Variants in ATG2A observed in about 807,000 individuals in gnomAD.
ATG2A encodes autophagy related 2A.
In ATG2A, 103 loss-of-function variants were observed where a neutral mutation model predicts 214.2. That is an observed-to-expected ratio of 0.48 (90% confidence interval 0.41 to 0.57). ATG2A has a LOEUF of 0.57. Among genes scored for constraint, ATG2A ranks in the 20% least tolerant of loss-of-function variants. The pLI, the probability that ATG2A is intolerant of heterozygous loss-of-function variation, is 0.00. For synonymous variants in ATG2A, 1,160 were observed against 1,142.1 expected (o/e 1.02, Z -0.32); for missense variants, 2,312 against 2,613.2 (o/e 0.88, Z 2.51).
chr11:64,912,597 T>C (rs1229794586), intron 6 of ATG2A, 174 bp from the exon 7 acceptor site: 6 of 590,082 alleles, frequency 1.0e-5, no homozygotes, highest in Non-Finnish European at 1.8e-5. Flanking sequence ...TCAGTTTCTT[T>C]TTTTCTTCTT....
At chr11:64,914,921 G>A (rs1342441326) in intron 1 of ATG2A, among the ~76,000 whole-genome samples, 1 of 151,022 alleles carries the variant, frequency 6.6e-6, no homozygotes, top group African/African-American at 2.4e-5. Flanking sequence ...GGGCCGTGGG[G>A]AAGACGCCTA....
chr11:64,910,087 G>T lies in ATG2A; in HGVS notation c.1816C>A (p.Leu606Ile). 6.2e-7 allele frequency: 1 copy of T among 1,608,612 alleles called. No individual in the cohort carries two copies. The change falls in exon 13 of 41, where the codon CTA becomes ATA. Residue 606 changes from leucine to isoleucine, a missense_variant. By Grantham distance (5) the Leu-to-Ile change is conservative. Transcript: ENST00000377264. ...ELGALDRLAA[L>I]LRLATVPAEP... is the part of the protein sequence containing the mutation. ...GCAGGTACGGTGGCCAGGCGCAGTA[G>T]GGCGGCCAGCCGGTCCAGGGCCCCC... is the stretch of plus-strand genomic sequence containing the variant.
Position 64,898,120 on chromosome 11 carries a change from G to T in ATG2A, c.4824C>A (p.Ile1608=). The change falls in exon 34 of 41, where the codon ATC becomes ATA. Residue 1608 remains isoleucine, a synonymous_variant. Transcript: ENST00000377264. This position sits in a 1 kb window ranked among gnomAD's most constrained non-coding sequence, Gnocchi z 4.5. The part of the protein sequence containing the change: ...KDFFTSLVAG[I]NPVVPGETSA... ...AGGTCTCCCCTGGGACCACGGGGTTGATGCCGGCCACCAGACTAGTGAAGA... is the reference window on the plus strand; with the variant it reads ...AGGTCTCCCCTGGGACCACGGGGTTTATGCCGGCCACCAGACTAGTGAAGA... 6.2e-7 allele frequency: 1 copy of T among 1,614,132 alleles called. No homozygotes were observed. Among genetic ancestry groups the T allele is most frequent in the South Asian group, 1.1e-5 (1 of 91,084 alleles).
Position 64,894,917 on chromosome 11 carries a change from T to C in ATG2A, c.*56A>G. ...GGGCCGGGCCCGTGGGCTGCAGCTC[T>C]TGGGAGGCTCAGGAGCATGGTGGGC... On this transcript the variant is annotated 3_prime_UTR_variant, in exon 41 of 41. Transcript: ENST00000377264. 6.3e-7 allele frequency: 1 copy of C among 1,595,322 alleles called. No homozygotes were observed. Among genetic ancestry groups the C allele is most frequent in the Non-Finnish European group, 8.6e-7 (1 of 1,167,668 alleles).
In ATG2A at chr11:64,913,064, G is replaced by A; in HGVS notation, c.799C>T (p.Gln267Ter). The A allele has an allele frequency of 1.3e-6, 2 of 1,567,352 alleles. No individual in the cohort carries two copies. The highest frequency in any genetic ancestry group is 2.3e-5 in the East Asian group (1 of 43,472). ...TTGGGGCCAGGGAAGGCCTCATTTT[G>A]CTTCAACTTCACCATCAGCTCCATG... ...GYMELMVKLK[Q>*]NEAFPGPKLE... The change falls in exon 6 of 41, where the codon CAA (glutamine) becomes TAA (stop). Residue 267 changes from glutamine to a stop codon, truncating the protein, a stop_gained. Coordinates refer to ENST00000377264, the MANE Select transcript of ATG2A (RefSeq NM_015104.3). LOFTEE classifies it high-confidence loss of function. The surrounding 1 kb of genome is among the most constrained non-coding windows in gnomAD (Gnocchi z 4.3).
intron 14 of ATG2A, 152 bp downstream of exon 14, chr11:64,909,529 C>T: frequency 2.1e-6 from 3 of 1,434,216 alleles, no homozygotes; most frequent in Non-Finnish European, 2.8e-6. Context: ...GGTGAGGAGG[C>T]CGGGGACAGG....
intron 1 of ATG2A, among the ~76,000 whole-genome samples, chr11:64,915,608 C>G (rs1392731491): frequency 6.6e-6 from 1 of 152,022 alleles, no homozygotes; most frequent in Non-Finnish European, 1.5e-5. Context: ...CACCAGGGCC[C>G]TAGAGAAGCC....
At chr11:64,912,288 T>TACCCC in intron 7 of ATG2A, 39 bp from the exon 8 acceptor site, 1 of 1,471,388 alleles carries the variant, frequency 6.8e-7, no homozygotes, top group Non-Finnish European at 9.4e-7. Flanking sequence ...TGGCTGGCCC[T>TACCCC]CCCAGCCACC....
chr11:64,898,304 C>G lies in ATG2A; in HGVS notation c.4730G>C (p.Cys1577Ser), dbSNP rs765382915. The G allele has an allele frequency of 5.6e-6, 9 of 1,613,006 alleles. No individual in the cohort carries two copies. Among genetic ancestry groups the G allele is most frequent in the South Asian group, 1.1e-5 (1 of 91,014 alleles). Residue 1577 changes from cysteine to serine, a missense_variant, in exon 33 of 41, where the codon TGT becomes TCT. Physicochemically the swap from Cys to Ser is moderately radical, Grantham distance 112. Coordinates refer to ENST00000377264, the MANE Select transcript of ATG2A (RefSeq NM_015104.3). The surrounding 1 kb of genome is among the most constrained non-coding windows in gnomAD (Gnocchi z 4.5). Reference protein sequence around the residue: ...PTTNLGGPECCLRVSLMPLRL... With the variant: ...PTTNLGGPECSLRVSLMPLRL... ...CAGGGGCATCAGCGAGACGCGGAGA[C>G]AGCACTCAGGCCCACCCAGGTTGGT...
At chr11:64,914,029 C>T (rs1397099820) in intron 3 of ATG2A, 52 bp downstream of exon 3, 13 of 1,545,190 alleles carry the variant, frequency 8.4e-6, no homozygotes, top group Non-Finnish European at 1.1e-5. Context: ...AGCCCCTGTT[C>T]TGTGTGCCAC....
At position 64,909,013 on chromosome 11, in the gene ATG2A, C is replaced by G. The variant is rs762585246; in HGVS notation, c.2342G>C (p.Arg781Thr). The change falls in exon 16 of 41, where the codon AGG becomes ACG. Residue 781 changes from arginine to threonine, a missense_variant. Arg to Thr is a moderately conservative substitution (Grantham distance 71). Transcript: ENST00000377264. The part of the protein sequence containing the change: ...EPEPSPFSSK[R>T]TMYETEEMVI... ...CACCTCCTCTGTCTCATACATGGTC[C>G]TCTTAGAGGAGAAGGGCGAGGGCTC... 74 of 1,599,976 alleles carry G rather than the reference C, an allele frequency of 4.6e-5. No individual in the cohort carries two copies. The highest frequency in any genetic ancestry group is 5.9e-5 in the Non-Finnish European group (69 of 1,173,590).
At position 64,898,774 on chromosome 11, in the gene ATG2A, C is replaced by T. The variant is rs1217659481; in HGVS notation, c.4533G>A (p.Leu1511=). ...CCTGACGGGACAGCGGTCGCTCCTC[C>T]AGCTCCTGGCTGGGGGCCGCAGGGC... The part of the protein sequence containing the change: ...ATGPAAPSQE[L]EERPLSRQVF... The change falls in exon 32 of 41, where the codon CTG becomes CTA. Residue 1511 remains leucine, a synonymous_variant. Coordinates refer to ENST00000377264, the MANE Select transcript of ATG2A (RefSeq NM_015104.3). This position sits in a 1 kb window ranked among gnomAD's most constrained non-coding sequence, Gnocchi z 4.5. The T allele has an allele frequency of 6.2e-7, 1 of 1,613,788 alleles. No individual in the cohort carries two copies. The highest frequency in any genetic ancestry group is 8.5e-7 in the Non-Finnish European group (1 of 1,179,954).
intron 22 of ATG2A, 62 bp from the exon 23 acceptor site, chr11:64,905,910 C>T (rs867977999): frequency 1.1e-5 from 16 of 1,520,742 alleles, no homozygotes; most frequent in Middle Eastern, 1.8e-4. Context: ...TCCTCTAACC[C>T]CTCCCTGTCC....
At chr11:64,909,578 A>AG in intron 14 of ATG2A, 103 bp downstream of exon 14, 1 of 1,544,216 alleles carries the variant, frequency 6.5e-7, no homozygotes, top group Non-Finnish European at 8.7e-7. Context: ...GGCCTGGGCC[A>AG]GGGACTGCTC....
chr11:64,895,222 G>A lies in ATG2A; in HGVS notation c.5581-13C>T. On this transcript the variant is annotated splice_polypyrimidine_tract_variant and intron_variant, in intron 40 of 40. Transcript: ENST00000377264. The surrounding 1 kb of genome is among the most constrained non-coding windows in gnomAD (Gnocchi z 5.0). ...TATCCAAGATGCCCTGTGGAAGCCA[G>A]AGGTCAGGGCGGGGTCTGTGTGAGG... is the stretch of plus-strand genomic sequence containing the variant. 1 of 1,613,128 alleles carries A rather than the reference G, an allele frequency of 6.2e-7. No homozygotes were observed. The highest frequency in any genetic ancestry group is 8.5e-7 in the Non-Finnish European group (1 of 1,179,760).
chr11:64,915,076 G>A (rs930205119), intron 1 of ATG2A, among the ~76,000 whole-genome samples: 1 of 151,896 alleles, frequency 6.6e-6, no homozygotes, highest in Non-Finnish European at 1.5e-5. Context: ...CACCCTGGAT[G>A]AGCAGAGTTC....
At position 64,910,777 on chromosome 11, in the gene ATG2A, G is replaced by A. The variant is rs751190667; in HGVS notation, c.1614+30C>T. The A allele has an allele frequency of 1.2e-4, 201 of 1,610,176 alleles. 1 individual carries two copies. Among genetic ancestry groups the A allele is most frequent in the South Asian group, 8.7e-4 (79 of 90,510 alleles). Reference sequence around the variant, plus strand: ...ACAGCCACCCAAACCTCCAGACCCCGCCTCGTACACATTCTGCCTCTGCCC... The same window carrying A: ...ACAGCCACCCAAACCTCCAGACCCCACCTCGTACACATTCTGCCTCTGCCC... On this transcript the variant is annotated intron_variant, in intron 11 of 40. Coordinates refer to ENST00000377264, the MANE Select transcript of ATG2A (RefSeq NM_015104.3).
In ATG2A at chr11:64,914,241, G is replaced by A. The variant is rs961960248; in HGVS notation, c.335-8C>T. 5.8e-6 allele frequency: 9 copies of A among 1,551,294 alleles called. No homozygotes were observed. The highest frequency in any genetic ancestry group is 7.0e-6 in the Non-Finnish European group (8 of 1,146,842). On this transcript the variant is annotated splice_region_variant and splice_polypyrimidine_tract_variant and intron_variant, in intron 2 of 40. Coordinates refer to ENST00000377264, the MANE Select transcript of ATG2A (RefSeq NM_015104.3). Reference sequence around the variant, plus strand: ...AGTCGGCAGCCCCTGGCGCTGTAGGGAGAAACAGGGTCTCAAGGCAGGCAG... The same window carrying A: ...AGTCGGCAGCCCCTGGCGCTGTAGGAAGAAACAGGGTCTCAAGGCAGGCAG...
chr11:64,906,318 G>A lies in ATG2A; in HGVS notation c.3183+16C>T. On this transcript the variant is annotated intron_variant, in intron 21 of 40. Coordinates refer to ENST00000377264, the MANE Select transcript of ATG2A (RefSeq NM_015104.3). Reference sequence around the variant, plus strand: ...CCCAGGCTAGCAGGAGGGGTGGATGGTAGGCAAGCCCATACCTTCACATTC... The same window carrying A: ...CCCAGGCTAGCAGGAGGGGTGGATGATAGGCAAGCCCATACCTTCACATTC... 1 of 1,611,672 alleles carries A rather than the reference G, an allele frequency of 6.2e-7. No homozygotes were observed. The highest frequency in any genetic ancestry group is 8.5e-7 in the Non-Finnish European group (1 of 1,178,804).
Sources: gnomAD v4.1 joint callset for allele counts (sites outside exome capture counted in the v4.1 genomes callset) on GRCh38, gnomAD v4.1.1 for gene constraint, Gnocchi (gnomAD v3.1) non-coding constraint, MANE v1.5 for transcripts, NCBI Gene and HGNC (gene_info 2026-07-23, HGNC 2026-07-21) for gene names.